FGFR2: variants seen among roughly 807,000 people sequenced by gnomAD.
FGFR2 encodes BEK fibroblast growth factor receptor.
Under a neutral mutation model 95.9 loss-of-function variants are expected in FGFR2, and 19 were observed. The observed-to-expected ratio is 0.20, with a 90% confidence interval of 0.14 to 0.29. FGFR2 has a LOEUF of 0.29. FGFR2 is among the 10% of genes least tolerant of loss of function. FGFR2 has a pLI of 1.00. For synonymous variants in FGFR2, 392 were observed against 393.3 expected (o/e 1.00, Z 0.04); for missense variants, 707 against 1,056.9 (o/e 0.67, Z 4.59).
chr10:121,488,516 G>A (rs1366403570), intron 13 of FGFR2, among the ~76,000 whole-genome samples: 1 of 140,050 alleles, frequency 7.1e-6, no homozygotes, highest in Non-Finnish European at 1.5e-5. Context: ...ACTCCAGCCT[G>A]GGTGACAGAG....
intron 13 of FGFR2, among the ~76,000 whole-genome samples, chr10:121,488,699 T>C (rs568197576): frequency 6.6e-6 from 1 of 152,304 alleles, no homozygotes; most frequent in Non-Finnish European, 1.5e-5. Context: ...AGAGCGAAGG[T>C]AGACTAAATA....
chr10:121,489,730 C>T (rs1845886107), intron 13 of FGFR2, among the ~76,000 whole-genome samples: 1 of 152,306 alleles, frequency 6.6e-6, no homozygotes, highest in South Asian at 2.1e-4. Context: ...TTTACACATT[C>T]CTCCCAAGTC....
At chr10:121,586,295 T>G (rs545039397) in intron 2 of FGFR2, among the ~76,000 whole-genome samples, 1 of 152,336 alleles carries the variant, frequency 6.6e-6, no homozygotes, top group Admixed American at 6.5e-5. Flanking sequence ...ATACATCCCT[T>G]GTTCTCGTTC....
chr10:121,521,359 G>A (rs1850515137), intron 6 of FGFR2, among the ~76,000 whole-genome samples: 1 of 152,162 alleles, frequency 6.6e-6, no homozygotes, highest in Non-Finnish European at 1.5e-5. Flanking sequence ...CTTATGCCTG[G>A]AAAGGCTTCT....
chr10:121,573,204 G>C (rs906413188), intron 2 of FGFR2, among the ~76,000 whole-genome samples: 2 of 152,182 alleles, frequency 1.3e-5, no homozygotes, highest in Non-Finnish European at 2.9e-5. Context: ...GAGAACAGAT[G>C]GGAAACCTGA....
In FGFR2 at chr10:121,585,404, T is replaced by G. The variant is rs181531709; in HGVS notation, c.109+8305A>C. Among the ~76,000 whole-genome samples the G allele has an allele frequency of 2.0e-5, 3 of 152,332 alleles. No individual in the cohort carries two copies. The South Asian group carries it at 6.2e-4, about 32-fold the overall frequency. ...GTAATATTGTAGAGTAAACATCTTG[T>G]TGGTCCAGGAAATGTTGACAGGAAG... On this transcript the variant is annotated intron_variant, in intron 2 of 17. Transcript: ENST00000358487.
At position 121,536,389 on chromosome 10, in the gene FGFR2, T is replaced by G. The variant is rs563809794; in HGVS notation, c.748+2203A>C. ...ATTGGAGTTGAGCTTTAATGGATAT[T>G]CCCAACCAGCATTGTGTCATTATTG... On this transcript the variant is annotated intron_variant, in intron 6 of 17. Transcript: ENST00000358487. Among the ~76,000 whole-genome samples the G allele has an allele frequency of 2.0e-5, 3 of 152,276 alleles. No individual in the cohort carries two copies. In the East Asian group the frequency reaches 5.8e-4, roughly 29 times the overall value.
chr10:121,502,482 G>A (rs975633479), intron 10 of FGFR2, among the ~76,000 whole-genome samples: 1 of 152,094 alleles, frequency 6.6e-6, no homozygotes, highest in African/African-American at 2.4e-5. Context: ...CCTAGCTAAC[G>A]GTACACATCT....
intron 4 of FGFR2, among the ~76,000 whole-genome samples, chr10:121,563,306 G>A (rs914373508): frequency 6.6e-6 from 1 of 152,144 alleles, no homozygotes; most frequent in Non-Finnish European, 1.5e-5. Context: ...CCTGGGAGGT[G>A]CAGGTTGCAG....
intron 6 of FGFR2, among the ~76,000 whole-genome samples, chr10:121,528,575 T>A (rs1851687227): frequency 6.6e-6 from 1 of 152,084 alleles, no homozygotes; most frequent in South Asian, 2.1e-4. Flanking sequence ...CCTAGGGCGG[T>A]TCGAGCAGAA....
rs958336050 is a variant in FGFR2, at chr10:121,596,347, G to A, written c.-151+1615C>T. 7 of 199,126 alleles carry A rather than the reference G, an allele frequency of 3.5e-5. No homozygotes were observed. The East Asian group carries it at 3.9e-4, about 11-fold the overall frequency. 12.3% of individuals were successfully genotyped at this position (199,126 alleles called of 1,614,324 possible). A position where few individuals can be genotyped will look rare whatever the true frequency, so the allele number is the denominator to read the frequency against. On this transcript the variant is annotated intron_variant, in intron 1 of 17. Coordinates refer to ENST00000358487, the MANE Select transcript of FGFR2 (RefSeq NM_000141.5). ...CGGTCCCCATGCCAGGCCTGTGCTG[G>A]GCTCTTCAATTTACCATGACATTCC...
At chr10:121,520,310 T>C (rs1300128049) in intron 6 of FGFR2, 141 bp from the exon 7 acceptor site, 2 of 794,620 alleles carry the variant, frequency 2.5e-6, no homozygotes, top group Non-Finnish European at 3.9e-6. Context: ...GAAATAACAC[T>C]GTGGCCCCAT....
At position 121,479,432 on chromosome 10, in the gene FGFR2, TAATA is replaced by T. The variant is rs1844387883; in HGVS notation, c.*421_*424del. 5.3e-6 allele frequency: 2 copies of T among 379,394 alleles called. No individual in the cohort carries two copies. The highest frequency in any genetic ancestry group is 9.2e-6 in the Non-Finnish European group (2 of 217,314). The allele number at this position is 379,394 out of a possible 1,614,324, so 23.5% of individuals were successfully genotyped here. On this transcript the variant is annotated 3_prime_UTR_variant, in exon 18 of 18. Coordinates refer to ENST00000358487, the MANE Select transcript of FGFR2 (RefSeq NM_000141.5). ...CAAAAAATAACTCCTTGTAAATATA[TAATA>T]TATATTTATACATAATTTGAATATA...
At chr10:121,482,958 AACTAATTTTTGTATTTTT>A (rs912246843) in intron 17 of FGFR2, among the ~76,000 whole-genome samples, 2 of 152,094 alleles carry the variant, frequency 1.3e-5, no homozygotes, top group African/African-American at 4.8e-5. Context: ...CACCACATCC[AACTAATTTTTGTATTTTT>A]AGTAGAGACA....
rs562097021 is a variant in FGFR2 at position 121,484,293 on chromosome 10, A to G, written c.2196-490T>C. ...AAATTAAATAAAATTTGAAAACTACAACTTCAAGTTTTTGATGAATTAATC... is the reference window on the plus strand; with the variant it reads ...AAATTAAATAAAATTTGAAAACTACGACTTCAAGTTTTTGATGAATTAATC... On this transcript the variant is annotated intron_variant, in intron 16 of 17. Coordinates refer to ENST00000358487, the MANE Select transcript of FGFR2 (RefSeq NM_000141.5). 5.3e-5 allele frequency among the ~76,000 whole-genome samples: 8 copies of G among 152,254 alleles called. No homozygotes were observed. In the South Asian group the frequency reaches 1.7e-3, roughly 32 times the overall value.
intron 1 of FGFR2, 62 bp downstream of exon 1, chr10:121,597,900 C>G (rs4647913): frequency 0.066 from 25,821 of 389,128 alleles, 1,580 homozygotes; most frequent in East Asian, 0.2. Context: ...GCGTCCCGGG[C>G]TCCCGTGGCG....
rs752018762 is a variant in FGFR2, at chr10:121,517,731, G to A, written c.940-268C>T. 6.6e-6 allele frequency among the ~76,000 whole-genome samples: 1 copy of A among 152,036 alleles called. No homozygotes were observed. The highest frequency in any genetic ancestry group is 1.5e-5 in the Non-Finnish European group (1 of 68,016). ...GGAAAAAATCAACCCACAGAGGTCC[G>A]TTCTCTTGGCCTGTGCTTTGGTTTG... On this transcript the variant is annotated intron_variant, in intron 7 of 17. Transcript: ENST00000358487. This position sits in a 1 kb window ranked among gnomAD's most constrained non-coding sequence, Gnocchi z 4.7.
At chr10:121,551,207 G>A (rs371561197) in intron 5 of FGFR2, 83 bp downstream of exon 5, 190 of 1,488,160 alleles carry the variant, frequency 1.3e-4, no homozygotes, top group South Asian at 8.1e-4. Flanking sequence ...GCGACAGAGC[G>A]AGACTCCATC....
chr10:121,553,335 G>T (rs1269158470), intron 4 of FGFR2, among the ~76,000 whole-genome samples: 1 of 152,148 alleles, frequency 6.6e-6, no homozygotes, highest in Non-Finnish European at 1.5e-5. Context: ...TAGACATTTG[G>T]CTCTGGGTGT....
Sources: gnomAD v4.1 joint callset for allele counts (sites outside exome capture counted in the v4.1 genomes callset) on GRCh38, gnomAD v4.1.1 for gene constraint, Gnocchi (gnomAD v3.1) non-coding constraint, MANE v1.5 for transcripts, NCBI Gene and HGNC (gene_info 2026-07-23, HGNC 2026-07-21) for gene names.